The following PCDH11X variants were observed in gnomAD, a reference collection of about 807,000 sequenced individuals.
PCDH11X encodes protocadherin 11 X-linked, also known as protocadherin-11 X-linked.
PCDH11X carries 18 observed loss-of-function variants against 53.3 expected under a neutral mutation model. The observed-to-expected ratio is 0.34, with a 90% CI of 0.23 to 0.50. PCDH11X has a LOEUF of 0.50. Among genes scored for constraint, PCDH11X ranks in the 20% least tolerant of loss-of-function variants. The probability of loss-of-function intolerance (pLI) is 0.98; values close to 1 mark genes in which losing one functional copy is unlikely to be tolerated. For missense variants in PCDH11X, 570 were observed against 1,032.4 expected, an observed-to-expected ratio of 0.55 and a Z score of 6.14; for synonymous variants, 279 against 393.3, an observed-to-expected ratio of 0.71 and a Z score of 3.44.
At chrX:92,147,398 G>T (rs1487667534) in intron 6 of PCDH11X, among the ~76,000 whole-genome samples, 2 of 110,709 alleles carry the variant, frequency 1.8e-5, no homozygotes, top group Non-Finnish European at 3.8e-5. Flanking sequence ...TATTCCCAGG[G>T]ATCTTTTCAG....
intron 6 of PCDH11X, among the ~76,000 whole-genome samples, chrX:92,183,531 G>A (rs905396013): frequency 6.3e-5 from 7 of 111,850 alleles, no homozygotes; most frequent in South Asian, 3.7e-4. Context: ...GTGAGCCACC[G>A]TGCCTGGCTG....
At chrX:92,380,370 G>A (rs1276889408) in intron 8 of PCDH11X, among the ~76,000 whole-genome samples, 1 of 111,759 alleles carries the variant, frequency 8.9e-6, no homozygotes, top group Non-Finnish European at 1.9e-5. Flanking sequence ...TGAGACCTGA[G>A]TGCAGCCTGC....
At chrX:92,224,463 C>A (rs941507842) in intron 7 of PCDH11X, among the ~76,000 whole-genome samples, 9 of 111,780 alleles carry the variant, frequency 8.1e-5, no homozygotes, top group African/African-American at 2.9e-4. Context: ...TTCTACATAA[C>A]AAATTACAAC....
At chrX:91,838,993 G>A (rs188330251) in intron 5 of PCDH11X, among the ~76,000 whole-genome samples, 3 of 112,931 alleles carry the variant, frequency 2.7e-5, no homozygotes, top group African/African-American at 9.6e-5. Context: ...TGTTTAAAAT[G>A]TATGTAGTAT....
intron 9 of PCDH11X, among the ~76,000 whole-genome samples, chrX:92,453,358 T>G (rs749607662): frequency 9.0e-6 from 1 of 111,618 alleles, no homozygotes; most frequent in Non-Finnish European, 1.9e-5. Context: ...GAATTAATGT[T>G]ATTTTATGAA....
chrX:91,888,982 T>TA (rs1430049690), intron 6 of PCDH11X, among the ~76,000 whole-genome samples: 1 of 112,147 alleles, frequency 8.9e-6, no homozygotes, highest in Non-Finnish European at 1.9e-5. Context: ...AAACAACTGT[T>TA]ACGTTATCCA....
intron 6 of PCDH11X, among the ~76,000 whole-genome samples, chrX:92,043,862 T>C (rs2063245243): frequency 9.0e-6 from 1 of 111,054 alleles, no homozygotes; most frequent in Non-Finnish European, 1.9e-5. Flanking sequence ...GTATTAATTA[T>C]AATCTTGCAT....
At chrX:91,973,613 CTTTTTT>C (rs750179369) in intron 6 of PCDH11X, among the ~76,000 whole-genome samples, 1 of 88,315 alleles carries the variant, frequency 1.1e-5, no homozygotes. Context: ...GTATATACAA[CTTTTTT>C]TTTTTTTTTT....
chrX:92,562,076 G>A (rs1460999431), intron 10 of PCDH11X, among the ~76,000 whole-genome samples: 3 of 94,071 alleles, frequency 3.2e-5, no homozygotes, highest in African/African-American at 1.2e-4. Flanking sequence ...TCAGGTTCTG[G>A]GGAGACATCA....
intron 10 of PCDH11X, among the ~76,000 whole-genome samples, chrX:92,615,642 A>AT (rs769402678): frequency 4.5e-5 from 5 of 110,805 alleles, no homozygotes; most frequent in African/African-American, 1.3e-4. Context: ...CTGCATGGCC[A>AT]TACTGCTAGG....
At chrX:91,953,878 A>G (rs1053241436) in intron 6 of PCDH11X, among the ~76,000 whole-genome samples, 3 of 110,211 alleles carry the variant, frequency 2.7e-5, no homozygotes, top group African/African-American at 1.0e-4. Context: ...ATAAATATCT[A>G]TTATATGCAC....
At chrX:92,467,854 G>A (rs1227491982) in intron 9 of PCDH11X, among the ~76,000 whole-genome samples, 1 of 111,532 alleles carries the variant, frequency 9.0e-6, no homozygotes, top group Non-Finnish European at 1.9e-5. Flanking sequence ...TATGTCAGAA[G>A]TTTGGAGACA....
chrX:91,795,526 G>A (rs1935705393), intron 1 of PCDH11X, among the ~76,000 whole-genome samples: 1 of 111,669 alleles, frequency 9.0e-6, no homozygotes, highest in South Asian at 3.7e-4. Flanking sequence ...GTGTTAAATA[G>A]TAAAATGGTG....
chrX:92,393,099 C>T (rs1028070985), intron 9 of PCDH11X, among the ~76,000 whole-genome samples: 1 of 110,230 alleles, frequency 9.1e-6, no homozygotes, highest in African/African-American at 3.3e-5. Flanking sequence ...ACGAAAGTCA[C>T]ATATCAATTC....
At chrX:92,231,546 C>A (rs1030659178) in intron 7 of PCDH11X, among the ~76,000 whole-genome samples, 2 of 111,717 alleles carry the variant, frequency 1.8e-5, no homozygotes, top group Admixed American at 1.9e-4. Flanking sequence ...AGCATGCTAG[C>A]AAAGGAAACA....
At chrX:91,789,244 A>G (rs1263903952) in intron 1 of PCDH11X, among the ~76,000 whole-genome samples, 2 of 107,513 alleles carry the variant, frequency 1.9e-5, no homozygotes, top group Non-Finnish European at 3.8e-5. Context: ...AGAAAAAGAA[A>G]AAAGAATACC....
chrX:91,801,640 A>G (rs1386638246), intron 1 of PCDH11X, among the ~76,000 whole-genome samples: 1 of 112,570 alleles, frequency 8.9e-6, no homozygotes, highest in African/African-American at 3.2e-5. Flanking sequence ...ATATTTTCAC[A>G]TTAAAGCTGA....
intron 6 of PCDH11X, among the ~76,000 whole-genome samples, chrX:91,926,111 CACAT>C (rs1482086089): frequency 2.4e-5 from 2 of 83,863 alleles, no homozygotes; most frequent in African/African-American, 9.3e-5. Flanking sequence ...CACACACACA[CACAT>C]ATATATATAG....
rs1343752631 is a variant in PCDH11X at position 91,855,788 on chromosome X, C to A, written c.540+19744C>A. On this transcript the variant is annotated intron_variant, in intron 5 of 10. Transcript: ENST00000682573. ...TATAAATGGAAATAATTTTTAAATT[C>A]TTTGTCACATTGGTCGCTGTTGGCA... Among the ~76,000 whole-genome samples the A allele has an allele frequency of 3.9e-4, 43 of 110,877 alleles. 1 individual carries two copies. In the Admixed American group the frequency reaches 3.9e-3, roughly 10 times the overall value.
Sources: gnomAD v4.1 joint callset for allele counts (sites outside exome capture counted in the v4.1 genomes callset) on GRCh38, gnomAD v4.1.1 for gene constraint, MANE v1.5 for transcripts, NCBI Gene and HGNC (gene_info 2026-07-23, HGNC 2026-07-21) for gene names.